CBLB: variants seen among roughly 807,000 people sequenced by gnomAD.
CBLB encodes the protein E3 ubiquitin-protein ligase CBL-B.
CBLB carries 31 observed loss-of-function variants against 104.9 expected under a neutral mutation model. That is an observed-to-expected ratio of 0.30 (90% confidence interval 0.22 to 0.40). The LOEUF (loss-of-function observed/expected upper bound fraction) is 0.40. Among genes scored for constraint, CBLB ranks in the 10% least tolerant of loss-of-function variants. The probability of loss-of-function intolerance (pLI) is 1.00; values close to 1 mark genes in which losing one functional copy is unlikely to be tolerated. For synonymous variants in CBLB, 440 were observed against 422.6 expected (o/e 1.04, Z -0.51); for missense variants, 1,062 against 1,214.6 (o/e 0.87, Z 1.87).
chr3:105,866,785 C>T (rs1325348793), intron 2 of CBLB, among the ~76,000 whole-genome samples: 2 of 152,136 alleles, frequency 1.3e-5, no homozygotes, highest in Non-Finnish European at 2.9e-5. Flanking sequence ...TCAGCCTCAC[C>T]ACCCCCAACA....
At chr3:105,741,098 T>TGTA in intron 6 of CBLB, among the ~76,000 whole-genome samples, 1 of 86,736 alleles carries the variant, frequency 1.2e-5, no homozygotes, top group African/African-American at 4.0e-5. Context: ...AATTAGGGTT[T>TGTA]TTTTTTTTTT....
At chr3:105,848,993 TC>T (rs372367150) in intron 3 of CBLB, among the ~76,000 whole-genome samples, 1 of 152,254 alleles carries the variant, frequency 6.6e-6, no homozygotes, top group East Asian at 1.9e-4. Flanking sequence ...TTTTCATAGA[TC>T]AATAGATCTC....
At chr3:105,772,123 T>A (rs2078943642) in intron 4 of CBLB, among the ~76,000 whole-genome samples, 1 of 152,236 alleles carries the variant, frequency 6.6e-6, no homozygotes, top group East Asian at 1.9e-4. Flanking sequence ...GACCTCAAAT[T>A]ACAACACAAG....
rs772319904 is a variant in CBLB, at chr3:105,853,475, G to A, written c.358C>T (p.Arg120Trp). Residue 120 changes from arginine to tryptophan, a missense_variant, in exon 3 of 19, where the codon CGG becomes TGG. By Grantham distance (101) the Arg-to-Trp change is moderately radical (BLOSUM62 -3). This residue lies in a region of CBLB where 457 missense variants were observed against 632.0 expected (regional missense o/e 0.72). Coordinates refer to ENST00000394030, the MANE Select transcript of CBLB (RefSeq NM_170662.5). ...CCTTCTTTAAAGAGTCTTATTGCCC[G>A]TTTTGACTTTTTCATAAGGCTATCA... The part of the protein sequence containing the change: ...YIDSLMKKSK[R>W]AIRLFKEGKE... The A allele has an allele frequency of 2.4e-5, 39 of 1,612,650 alleles. No homozygotes were observed. The highest frequency in any genetic ancestry group is 2.9e-5 in the Non-Finnish European group (34 of 1,179,078).
intron 9 of CBLB, among the ~76,000 whole-genome samples, chr3:105,727,553 C>G (rs1417424144): frequency 1.3e-5 from 2 of 152,080 alleles, no homozygotes; most frequent in Non-Finnish European, 2.9e-5. Flanking sequence ...TTAATTAGAT[C>G]TCATTTGTCT....
intron 9 of CBLB, among the ~76,000 whole-genome samples, chr3:105,720,586 C>T (rs1312660601): frequency 6.6e-6 from 1 of 152,086 alleles, no homozygotes; most frequent in East Asian, 1.9e-4. Context: ...GAAATTGAAT[C>T]GTATCTCTCC....
Position 105,838,388 on chromosome 3 carries a change from G to A in CBLB, c.419+15026C>T, listed in dbSNP as rs534225034. Among the ~76,000 whole-genome samples, 7 of 149,958 alleles carry A rather than the reference G, an allele frequency of 4.7e-5. No homozygotes were observed. In the East Asian group the frequency reaches 1.2e-3, roughly 25 times the overall value. Reference sequence around the variant, plus strand: ...CATGAAAGGCCTTGATAAATGCTATGGTCAGAAGGAAAAGACACATTTTAG... The same window carrying A: ...CATGAAAGGCCTTGATAAATGCTATAGTCAGAAGGAAAAGACACATTTTAG... On this transcript the variant is annotated intron_variant, in intron 3 of 18. Coordinates refer to ENST00000394030, the MANE Select transcript of CBLB (RefSeq NM_170662.5).
At chr3:105,726,970 G>A (rs938212853) in intron 9 of CBLB, among the ~76,000 whole-genome samples, 2 of 152,116 alleles carry the variant, frequency 1.3e-5, no homozygotes, top group African/African-American at 2.4e-5. Context: ...CATTTGGGTT[G>A]GTTCCAAGTC....
intron 18 of CBLB, among the ~76,000 whole-genome samples, chr3:105,665,905 T>C (rs1434820905): frequency 6.6e-6 from 1 of 151,468 alleles, no homozygotes; most frequent in Non-Finnish European, 1.5e-5. Flanking sequence ...GGTGGGCGCC[T>C]GTAGTCCCAG....
Position 105,751,487 on chromosome 3 carries a change from A to G in CBLB, c.698T>C (p.Phe233Ser), listed in dbSNP as rs532061411. The change falls in exon 5 of 19, where the codon TTT (phenylalanine) becomes TCT (serine). Residue 233 changes from phenylalanine to serine, a missense_variant. By Grantham distance (155) the Phe-to-Ser change is radical. This residue lies in a region of CBLB where 457 missense variants were observed against 632.0 expected (regional missense o/e 0.72). Transcript: ENST00000394030. ...CTGAAACAGCCTGGTAAAAATATCAAATTCAAAAACTGAAATGTAATCATT... is the reference window on the plus strand; with the variant it reads ...CTGAAACAGCCTGGTAAAAATATCAGATTCAAAAACTGAAATGTAATCATT... ...TCNDYISVFEFDIFTRLFQPW... is the reference protein window; with the variant it reads ...TCNDYISVFESDIFTRLFQPW... 6.2e-7 allele frequency: 1 copy of G among 1,611,620 alleles called. No individual in the cohort carries two copies. Among genetic ancestry groups the G allele is most frequent in the African/African-American group, 1.3e-5 (1 of 74,986 alleles).
rs189358272 is a variant in CBLB at position 105,789,048 on chromosome 3, A to C, written c.420-12506T>G. 2.8e-3 allele frequency among the ~76,000 whole-genome samples: 431 copies of C among 152,318 alleles called. 3 individuals are homozygous for C. The highest frequency in any genetic ancestry group is 0.01 in the African/African-American group (420 of 41,570). On this transcript the variant is annotated intron_variant, in intron 3 of 18. Transcript: ENST00000394030. The stretch of plus-strand genomic sequence containing the variant: ...ACCAACATTATATGAAGCAGAAAAA[A>C]CATTCGGTAAACCCACAAAACCATG...
At position 105,731,845 on chromosome 3, in the gene CBLB, C is replaced by T. The variant is rs16851534; in HGVS notation, c.1203+2164G>A. Among the ~76,000 whole-genome samples, 926 of 152,294 alleles carry T rather than the reference C, an allele frequency of 6.1e-3. 29 individuals are homozygous for T. Among genetic ancestry groups the T allele is most frequent in the East Asian group, 0.051 (263 of 5,186 alleles). On this transcript the variant is annotated intron_variant, in intron 9 of 18. Coordinates refer to ENST00000394030, the MANE Select transcript of CBLB (RefSeq NM_170662.5). ...ATAGCAGCTTCTGACTTTTAACCAA[C>T]TTAACCTCCAAATACTAAGCACAGT...
intron 3 of CBLB, among the ~76,000 whole-genome samples, chr3:105,852,172 C>A (rs979054722): frequency 1.2e-4 from 18 of 152,024 alleles, no homozygotes; most frequent in African/African-American, 4.1e-4. Flanking sequence ...AGGAGGTATT[C>A]CTGAAGGCAC....
At chr3:105,759,654 C>G (rs1014331930) in intron 4 of CBLB, among the ~76,000 whole-genome samples, 3 of 152,212 alleles carry the variant, frequency 2.0e-5, no homozygotes, top group African/African-American at 7.2e-5. Flanking sequence ...CAACAGTGCC[C>G]AGGCTTGGCC....
intron 4 of CBLB, among the ~76,000 whole-genome samples, chr3:105,769,637 T>C (rs908581486): frequency 5.3e-5 from 8 of 151,744 alleles, no homozygotes; most frequent in Non-Finnish European, 1.2e-4. Context: ...CAATGAGGAG[T>C]AAAAAATGAG....
intron 10 of CBLB, among the ~76,000 whole-genome samples, chr3:105,712,251 T>A (rs2071218903): frequency 6.6e-6 from 1 of 152,172 alleles, no homozygotes; most frequent in African/African-American, 2.4e-5. Context: ...TATGTGTGAT[T>A]TTAATTTAAA....
At chr3:105,825,734 C>T (rs542761168) in intron 3 of CBLB, among the ~76,000 whole-genome samples, 42 of 152,268 alleles carry the variant, frequency 2.8e-4, no homozygotes, top group African/African-American at 9.9e-4. Flanking sequence ...AAGTGCTTTG[C>T]CATTAGTTGA....
At chr3:105,833,243 GAAT>G (rs2087850812) in intron 3 of CBLB, among the ~76,000 whole-genome samples, 1 of 152,146 alleles carries the variant, frequency 6.6e-6, no homozygotes, top group African/African-American at 2.4e-5. Context: ...ATATAATCTT[GAAT>G]AATGAGAATG....
At chr3:105,675,090 T>C (rs1016722065) in intron 17 of CBLB, among the ~76,000 whole-genome samples, 5 of 151,846 alleles carry the variant, frequency 3.3e-5, no homozygotes, top group African/African-American at 1.2e-4. Context: ...ATTAGGTACT[T>C]AGTATAATAT....
Sources: gnomAD v4.1 joint callset for allele counts (sites outside exome capture counted in the v4.1 genomes callset) on GRCh38, gnomAD v4.1.1 for gene constraint, gnomAD v4.1.1 regional missense constraint, MANE v1.5 for transcripts, NCBI Gene and HGNC (gene_info 2026-07-23, HGNC 2026-07-21) for gene names.